The following SBF1 variants were observed in gnomAD, a reference collection of about 807,000 sequenced individuals.
The protein encoded by SBF1 is myotubularin-related protein 5.
In SBF1, 65 loss-of-function variants were observed where a neutral mutation model predicts 215.8. That is an observed-to-expected ratio of 0.30 (90% CI 0.25 to 0.37). SBF1 has a LOEUF of 0.37. Among genes scored for constraint, SBF1 ranks in the 10% least tolerant of loss-of-function variants. The pLI is 1.00. For synonymous variants in SBF1, 1,410 were observed against 1,122.8 expected (o/e 1.26, Z -5.11); for missense variants, 2,634 against 2,667.8 (o/e 0.99, Z 0.28).
At chr22:50,457,781 G>A (rs1185394635) in intron 28 of SBF1, among the ~76,000 whole-genome samples, 3 of 152,220 alleles carry the variant, frequency 2.0e-5, no homozygotes, top group Non-Finnish European at 2.9e-5. Context: ...GTCTCTGGGC[G>A]CCTGGCCCTG....
rs909133779 is a variant in SBF1 at position 50,446,886 on chromosome 22, G to C, written c.*256C>G. The C allele has an allele frequency of 1.2e-5, 9 of 744,996 alleles. 1 individual carries two copies. The Admixed American group carries it at 1.6e-4, about 13-fold the overall frequency. 46.1% of individuals were successfully genotyped at this position (744,996 alleles called of 1,614,324 possible). ...CTGGCTGGACCAGCACACGCTGACGGGGCCGGACTATTTACAGGCCCATTG... is the reference window on the plus strand; with the variant it reads ...CTGGCTGGACCAGCACACGCTGACGCGGCCGGACTATTTACAGGCCCATTG... On this transcript the variant is annotated 3_prime_UTR_variant, in exon 41 of 41. Transcript: ENST00000380817.
intron 4 of SBF1, 26 bp from the exon 5 acceptor site, chr22:50,467,474 T>C (rs1189831104): frequency 1.9e-6 from 3 of 1,613,900 alleles, no homozygotes; most frequent in African/African-American, 1.3e-5. Context: ...CGGGGAGTGG[T>C]GGGACAGCCG....
At chr22:50,458,761 A>C (rs983397656) in intron 28 of SBF1, among the ~76,000 whole-genome samples, 15 of 152,208 alleles carry the variant, frequency 9.9e-5, no homozygotes, top group African/African-American at 3.6e-4. Flanking sequence ...GCAAGGCCCA[A>C]GGAACCAGGA....
At position 50,461,616 on chromosome 22, in the gene SBF1, T is replaced by G. The variant is rs750631594; in HGVS notation, c.2746A>C (p.Ser916Arg). 1 of 1,611,582 alleles carries G rather than the reference T, an allele frequency of 6.2e-7. No homozygotes were observed. The highest frequency in any genetic ancestry group is 8.5e-7 in the Non-Finnish European group (1 of 1,179,744). Reference sequence around the variant, plus strand: ...GGGAGCAATGCTGGTCCCCCAGCACTGCCCCCCGCGCCCTCCTCACGCCCA... The same window carrying G: ...GGGAGCAATGCTGGTCCCCCAGCACGGCCCCCCGCGCCCTCCTCACGCCCA... The part of the protein sequence containing the change: ...PDGREEGAGG[S>R]AGGPALLPAE... Residue 916 changes from serine to arginine, a missense_variant, in exon 22 of 41, where the codon AGT (serine) becomes CGT (arginine). Physicochemically the swap from Ser to Arg is moderately radical, Grantham distance 110 (BLOSUM62 -1). Coordinates refer to ENST00000380817, the MANE Select transcript of SBF1 (RefSeq NM_002972.4).
chr22:50,452,790 T>G (rs892782493), intron 36 of SBF1, among the ~76,000 whole-genome samples: 1 of 142,222 alleles, frequency 7.0e-6, no homozygotes, highest in Non-Finnish European at 1.5e-5. Flanking sequence ...AAATAAAATG[T>G]GTGACAGTAA....
Position 50,460,004 on chromosome 22 carries a change from A to G in SBF1, c.3439T>C (p.Ser1147Pro). The change falls in exon 26 of 41, where the codon TCT (serine) becomes CCT (proline). Residue 1147 changes from serine to proline, a missense_variant. Physicochemically the swap from Ser to Pro is moderately conservative, Grantham distance 74. Coordinates refer to ENST00000380817, the MANE Select transcript of SBF1 (RefSeq NM_002972.4). ...TLSSSLSRAK[S>P]EPFRISPVNR... ...ACCGGAGAAATGCGGAAGGGCTCAG[A>G]CTTGGCCCGGCTCAGGCTGCTGCTC... 6.2e-7 allele frequency: 1 copy of G among 1,613,966 alleles called. No individual in the cohort carries two copies. The highest frequency in any genetic ancestry group is 1.6e-4 in the Middle Eastern group (1 of 6,062).
rs139035064 is a variant in SBF1 at position 50,457,082 on chromosome 22, G to A, written c.3856C>T (p.Leu1286=). 1.5e-3 allele frequency: 2,238 copies of A among 1,491,022 alleles called. 14 individuals are homozygous for A. The highest frequency in any genetic ancestry group is 9.7e-3 in the South Asian group (706 of 72,568). The allele number at this position is 1,491,022 out of a possible 1,614,324, so 92.4% of individuals were successfully genotyped here. ...GCCGAGGCCGCCATGGGGTTGGACA[G>A]CGTGGTGACCCTGGCTCTGGGGCTG... ...VPSPRARVTT[L]SNPMAASASR... is the part of the protein sequence containing the mutation. Residue 1286 remains leucine, a synonymous_variant, in exon 29 of 41, where the codon CTG becomes TTG. Coordinates refer to ENST00000380817, the MANE Select transcript of SBF1 (RefSeq NM_002972.4).
chr22:50,468,659 C>A (rs1396739355), intron 1 of SBF1, among the ~76,000 whole-genome samples, 198 bp from the exon 2 acceptor site: 1 of 152,040 alleles, frequency 6.6e-6, no homozygotes, highest in Admixed American at 6.5e-5. Context: ...GGTAGAGAAG[C>A]CCCTGCCGCT....
intron 1 of SBF1, among the ~76,000 whole-genome samples, chr22:50,469,930 A>G (rs2067936264): frequency 6.6e-6 from 1 of 152,170 alleles, no homozygotes; most frequent in Admixed American, 6.5e-5. Flanking sequence ...GCTGCTGCTA[A>G]GTGGGAGATG....
chr22:50,474,640 A>G, intron 1 of SBF1, 146 bp downstream of exon 1: 1 of 263,242 alleles, frequency 3.8e-6, no homozygotes. Context: ...CTCGGCCCTC[A>G]GCGCCCGGCC....
In SBF1 at chr22:50,459,611, C is replaced by T. The variant is rs370664525; in HGVS notation, c.3547G>A (p.Val1183Met). Reference sequence around the variant, plus strand: ...CGGTTCTGGCGGTAGCAGCGGGACACGCGCTGCAGGGCGTTGTCCTGGACA... The same window carrying T: ...CGGTTCTGGCGGTAGCAGCGGGACATGCGCTGCAGGGCGTTGTCCTGGACA... ...QSVQDNALQR[V>M]SRCYRQNRFP... Residue 1183 changes from valine to methionine, a missense_variant, in exon 27 of 41, where the codon GTG (valine) becomes ATG (methionine). Transcript: ENST00000380817. 34 of 1,609,758 alleles carry T rather than the reference C, an allele frequency of 2.1e-5. No individual in the cohort carries two copies. In the East Asian group the frequency reaches 2.5e-4, roughly 12 times the overall value.
intron 15 of SBF1, 67 bp from the exon 16 acceptor site, chr22:50,463,499 AG>A: frequency 1.4e-6 from 2 of 1,466,632 alleles, no homozygotes; most frequent in Admixed American, 4.7e-5. Context: ...CCTGGCAGGG[AG>A]GGCAGCAGGT....
chr22:50,459,964 G>A lies in SBF1; in HGVS notation c.3479C>T (p.Ala1160Val), dbSNP rs750011402. ...GGCCGGCCCTCACCTGCGGCAGATGGCATACATGCGGTTGACCGGAGAAAT... is the reference window on the plus strand; with the variant it reads ...GGCCGGCCCTCACCTGCGGCAGATGACATACATGCGGTTGACCGGAGAAAT... Reference protein sequence around the residue: ...FRISPVNRMYAICRSYPGLLI... With the variant: ...FRISPVNRMYVICRSYPGLLI... Residue 1160 changes from alanine (A) to valine (V), a missense_variant, in exon 26 of 41, where the codon GCC becomes GTC. Coordinates refer to ENST00000380817, the MANE Select transcript of SBF1 (RefSeq NM_002972.4). 3 of 1,613,734 alleles carry A rather than the reference G, an allele frequency of 1.9e-6. No homozygotes were observed.
chr22:50,451,052 G>A (rs1321054191), intron 36 of SBF1, among the ~76,000 whole-genome samples: 4 of 152,004 alleles, frequency 2.6e-5, no homozygotes, highest in East Asian at 3.9e-4. Context: ...AGATGGGGCC[G>A]GGTGTGGTGG....
At position 50,459,393 on chromosome 22, in the gene SBF1, C is replaced by CT. The variant is rs1334662112; in HGVS notation, c.3689-2dup. On this transcript the variant is annotated splice_acceptor_variant, in intron 27 of 40. Transcript: ENST00000380817. LOFTEE classifies it high-confidence loss of function. ...CTACTCGAGTCCGCCTGGGACTGGC[C>CT]TGGGGGAGGACACGGAGCTGAGGGA... is the stretch of plus-strand genomic sequence containing the variant. 6.2e-7 allele frequency: 1 copy of CT among 1,612,154 alleles called. No individual in the cohort carries two copies. The highest frequency in any genetic ancestry group is 2.2e-5 in the East Asian group (1 of 44,824).
At chr22:50,468,538 A>C in intron 1 of SBF1, 77 bp from the exon 2 acceptor site, 1 of 930,326 alleles carries the variant, frequency 1.1e-6, no homozygotes, top group Non-Finnish European at 1.5e-6. Flanking sequence ...CCAGGGTGGA[A>C]ACATTCCCAC....
rs768862437 is a variant in SBF1 at position 50,454,925 on chromosome 22, C to T, written c.4701G>A (p.Lys1567=). 6.2e-7 allele frequency: 1 copy of T among 1,614,092 alleles called. No homozygotes were observed. Among genetic ancestry groups the T allele is most frequent in the East Asian group, 2.2e-5 (1 of 44,886 alleles). ...ACGGCACCTGGCCCCTGCGTTCCCC[C>T]TTCTCCTCATACAGCAGCCCTGCAC... The part of the protein sequence containing the change: ...RIELGLLYEE[K]GERRGQVPCR... Residue 1567 remains lysine, a synonymous_variant, in exon 35 of 41, where the codon AAG becomes AAA. Transcript: ENST00000380817.
chr22:50,465,070 C>G lies in SBF1; in HGVS notation c.1263G>C (p.Glu421Asp). Residue 421 changes from glutamate to aspartate, a missense_variant, in exon 12 of 41, where the codon GAG becomes GAC. Glu to Asp is a conservative substitution (Grantham distance 45). Transcript: ENST00000380817. ...ACACAAAGCCAGCAAAGGCCATGCC[C>G]TCCAGCACCTTCATCAGGAAATCGT... The part of the protein sequence containing the change: ...VEDDFLMKVL[E>D]GMAFAGFVSE... 1 of 1,614,128 alleles carries G rather than the reference C, an allele frequency of 6.2e-7. No homozygotes were observed. Among genetic ancestry groups the G allele is most frequent in the Non-Finnish European group, 8.5e-7 (1 of 1,180,004 alleles).
In SBF1 at chr22:50,474,990, G is replaced by T; in HGVS notation, c.-150C>A. On this transcript the variant is annotated 5_prime_UTR_variant, in exon 1 of 41. Transcript: ENST00000380817. ...CGCGGCGGCGGCGGCGGCGGCGGCG[G>T]CGGCCCAGGTTCCCGCCGCCATCTT... is the stretch of plus-strand genomic sequence containing the variant. 1 of 313,440 alleles carries T rather than the reference G, an allele frequency of 3.2e-6. No individual in the cohort carries two copies. The highest frequency in any genetic ancestry group is 8.4e-5 in the South Asian group (1 of 11,900). 19.4% of individuals were successfully genotyped at this position (313,440 alleles called of 1,614,324 possible). A position where few individuals can be genotyped will look rare whatever the true frequency, so the allele number is the denominator to read the frequency against.
Sources: allele counts gnomAD v4.1 joint callset (sites outside exome capture counted in the v4.1 genomes callset), GRCh38; gene constraint gnomAD v4.1.1; transcripts MANE v1.5; gene names NCBI Gene and HGNC (gene_info 2026-07-23, HGNC 2026-07-21).